The following DOCK1 variants were observed in gnomAD, a reference collection of about 807,000 sequenced individuals.
The protein encoded by DOCK1 is dedicator of cytokinesis protein 1.
Under a neutral mutation model 262.7 loss-of-function variants are expected in DOCK1, and 138 were observed. The observed-to-expected ratio is 0.53, with a 90% CI of 0.46 to 0.61. The LOEUF (loss-of-function observed/expected upper bound fraction) is 0.61. Among genes scored for constraint, DOCK1 ranks in the 20% least tolerant of loss-of-function variants. DOCK1 has a pLI of 0.00. For synonymous variants in DOCK1, 866 were observed against 867.4 expected (o/e 1.00, Z 0.03); for missense variants, 1,908 against 2,370.7 (o/e 0.80, Z 4.05).
At position 127,073,647 on chromosome 10, in the gene DOCK1, G is replaced by A. The variant is rs145607486; in HGVS notation, c.2445+11871G>A. On this transcript the variant is annotated intron_variant, in intron 23 of 51. Transcript: ENST00000623213. ...TAGTCTTCGAGGACACAGAGTGACCGTCTCCCTCTTTAAGGCAATGTTAAT... is the reference window on the plus strand; with the variant it reads ...TAGTCTTCGAGGACACAGAGTGACCATCTCCCTCTTTAAGGCAATGTTAAT... 9.3e-4 allele frequency among the ~76,000 whole-genome samples: 142 copies of A among 152,262 alleles called. 2 individuals are homozygous for A. The East Asian group carries it at 0.02, about 22-fold the overall frequency.
At chr10:127,021,422 C>T (rs1227113762) in intron 13 of DOCK1, among the ~76,000 whole-genome samples, 1 of 152,206 alleles carries the variant, frequency 6.6e-6, no homozygotes, top group African/African-American at 2.4e-5. Flanking sequence ...ACCTGAGCCT[C>T]GCAAAGCGCT....
At chr10:127,237,993 C>T (rs1214716127) in intron 27 of DOCK1, among the ~76,000 whole-genome samples, 6 of 152,254 alleles carry the variant, frequency 3.9e-5, no homozygotes, top group Non-Finnish European at 8.8e-5. Flanking sequence ...CTGCATTATC[C>T]CTGCATGTGT....
rs2068086064 is a variant in DOCK1 at position 127,415,252 on chromosome 10, C to T, written c.4515+14C>T. The T allele has an allele frequency of 6.2e-7, 1 of 1,610,350 alleles. No individual in the cohort carries two copies. The highest frequency in any genetic ancestry group is 8.5e-7 in the Non-Finnish European group (1 of 1,177,972). The stretch of plus-strand genomic sequence containing the variant: ...TCTGTTTTCATGGTAAGGATGGCCC[C>T]ACCCCAGAAGGAATTGTCCGTTCCC... On this transcript the variant is annotated intron_variant, in intron 44 of 51. Transcript: ENST00000623213.
chr10:127,248,216 C>A, intron 28 of DOCK1, 107 bp downstream of exon 28: 1 of 1,000,806 alleles, frequency 1.0e-6, no homozygotes, highest in Non-Finnish European at 1.5e-6. Flanking sequence ...TGCATGAGAA[C>A]TTGTCTCTGA....
intron 27 of DOCK1, among the ~76,000 whole-genome samples, chr10:127,155,457 A>G (rs1433024786): frequency 2.0e-5 from 3 of 152,142 alleles, no homozygotes; most frequent in Non-Finnish European, 2.9e-5. Flanking sequence ...GGCTGTCTCT[A>G]TCGTCTTTCC....
intron 4 of DOCK1, among the ~76,000 whole-genome samples, chr10:126,986,124 G>A (rs780747615): frequency 1.2e-4 from 18 of 152,222 alleles, no homozygotes; most frequent in Non-Finnish European, 2.1e-4. Context: ...GATTACAGGC[G>A]TGAGCCACCA....
chr10:126,963,278 G>A (rs1286217759), intron 1 of DOCK1, among the ~76,000 whole-genome samples: 4 of 152,108 alleles, frequency 2.6e-5, no homozygotes, highest in Admixed American at 1.3e-4. Context: ...TCTGTAGATC[G>A]TTTCGGATCA....
At chr10:126,938,788 AGCGGGGATGAGCACCG>A (rs2034736160) in intron 1 of DOCK1, among the ~76,000 whole-genome samples, 2 of 46,982 alleles carry the variant, frequency 4.3e-5, no homozygotes, top group South Asian at 6.1e-4. Context: ...GATGAACACC[AGCGGGGATGAGCACCG>A]GAGGGGATGA....
intron 4 of DOCK1, among the ~76,000 whole-genome samples, chr10:126,982,771 T>A (rs1240320489): frequency 2.0e-5 from 3 of 152,230 alleles, no homozygotes; most frequent in African/African-American, 7.2e-5. Context: ...TGAATGATGA[T>A]GACCTGCAAT....
chr10:127,053,868 TCC>T (rs777528467), intron 22 of DOCK1, among the ~76,000 whole-genome samples: 10 of 152,168 alleles, frequency 6.6e-5, no homozygotes, highest in Non-Finnish European at 8.8e-5. Context: ...GGAATTTCAC[TCC>T]CTCTGCTTGT....
chr10:127,125,921 T>C (rs941660864), intron 26 of DOCK1, among the ~76,000 whole-genome samples: 1 of 152,126 alleles, frequency 6.6e-6, no homozygotes, highest in South Asian at 2.1e-4. Flanking sequence ...ATCTGCATTC[T>C]TTCTTCTTAT....
At chr10:126,974,923 A>G (rs767780416) in intron 2 of DOCK1, among the ~76,000 whole-genome samples, 3 of 152,114 alleles carry the variant, frequency 2.0e-5, no homozygotes, top group Non-Finnish European at 4.4e-5. Flanking sequence ...GGCCATTAGA[A>G]GAGGAATCGA....
At chr10:126,940,831 T>G (rs2034926242) in intron 1 of DOCK1, among the ~76,000 whole-genome samples, 1 of 152,078 alleles carries the variant, frequency 6.6e-6, no homozygotes, top group Non-Finnish European at 1.5e-5. Flanking sequence ...AGAACTGGAG[T>G]TGTGATAGCA....
intron 27 of DOCK1, among the ~76,000 whole-genome samples, chr10:127,220,554 TGA>T (rs2058389595): frequency 6.6e-6 from 1 of 152,154 alleles, no homozygotes; most frequent in Non-Finnish European, 1.5e-5. Context: ...CCAATTTTAC[TGA>T]GTGTCCTGGA....
At chr10:126,949,509 C>CT (rs1387889306) in intron 1 of DOCK1, among the ~76,000 whole-genome samples, 1 of 152,084 alleles carries the variant, frequency 6.6e-6, no homozygotes, top group Non-Finnish European at 1.5e-5. Flanking sequence ...TTGTGAATTC[C>CT]TTTTTCCCAG....
intron 47 of DOCK1, among the ~76,000 whole-genome samples, chr10:127,428,534 T>C (rs1166486766): frequency 7.2e-6 from 1 of 138,900 alleles, no homozygotes; most frequent in African/African-American, 2.6e-5. Context: ...GATTGTGCCA[T>C]GTGGATTGTG....
intron 27 of DOCK1, among the ~76,000 whole-genome samples, chr10:127,235,458 G>A (rs1395927563): frequency 1.3e-5 from 2 of 152,272 alleles, no homozygotes; most frequent in South Asian, 4.1e-4. Context: ...TTATTTACCA[G>A]TAGTTTGTTC....
At chr10:127,373,050 G>C (rs1056041966) in intron 33 of DOCK1, among the ~76,000 whole-genome samples, 3 of 152,104 alleles carry the variant, frequency 2.0e-5, no homozygotes, top group African/African-American at 7.2e-5. Context: ...GTTTTTTTCA[G>C]CCTGATCAGA....
At chr10:127,166,988 A>G (rs1256335801) in intron 27 of DOCK1, among the ~76,000 whole-genome samples, 1 of 152,100 alleles carries the variant, frequency 6.6e-6, no homozygotes, top group Non-Finnish European at 1.5e-5. Flanking sequence ...TTTAAATTAC[A>G]TTTTCATGTA....
Sources: allele counts gnomAD v4.1 joint callset (sites outside exome capture counted in the v4.1 genomes callset), GRCh38; gene constraint gnomAD v4.1.1; transcripts MANE v1.5; gene names NCBI Gene and HGNC (gene_info 2026-07-23, HGNC 2026-07-21).